The following CFAP161 variants were observed in gnomAD, a reference collection of about 807,000 sequenced individuals.
CFAP161 encodes the protein cilia- and flagella-associated protein 161.
A neutral mutation model predicts 29.0 loss-of-function variants in CFAP161; 25 were observed. The observed-to-expected ratio is 0.86, with a 90% CI of 0.63 to 1.20. The LOEUF (loss-of-function observed/expected upper bound fraction) is 1.20, where lower values mean the gene tolerates loss of function less well. Ranked by LOEUF, CFAP161 falls within the 50% of genes most tolerant of loss-of-function variation. The probability of loss-of-function intolerance (pLI) is 0.00; values close to 1 mark genes in which losing one functional copy is unlikely to be tolerated. For missense variants in CFAP161, 367 were observed against 371.9 expected, an observed-to-expected ratio of 0.99 and a Z score of 0.11; for synonymous variants, 116 against 137.4, an observed-to-expected ratio of 0.84 and a Z score of 1.09.
At chr15:81,147,766 A>G (rs1895033263) in intron 5 of CFAP161, 92 bp from the exon 6 acceptor site, 1 of 749,814 alleles carries the variant, frequency 1.3e-6, no homozygotes, top group East Asian at 2.8e-5. Flanking sequence ...GTATAGTATA[A>G]TCCCAAATTT....
At chr15:81,144,909 G>T (rs895898685) in intron 5 of CFAP161, among the ~76,000 whole-genome samples, 1 of 152,140 alleles carries the variant, frequency 6.6e-6, no homozygotes, top group Non-Finnish European at 1.5e-5. Flanking sequence ...ATCACTGTGC[G>T]ACACTTTCTC....
At chr15:81,103,894 G>C (rs1894331546) in intron 1 of CFAP161, among the ~76,000 whole-genome samples, 1 of 152,194 alleles carries the variant, frequency 6.6e-6, no homozygotes, top group Non-Finnish European at 1.5e-5. Context: ...CACCTAGCTG[G>C]TGTCCGCTGC....
intron 1 of CFAP161, among the ~76,000 whole-genome samples, chr15:81,105,206 CT>C (rs1894355710): frequency 1.4e-5 from 1 of 69,740 alleles, no homozygotes; most frequent in Non-Finnish European, 3.5e-5. Context: ...ACTCCCCCTC[CT>C]CCTTTCTCCC....
At position 81,148,537 on chromosome 15, in the gene CFAP161, G is replaced by A. The variant is rs564838144; in HGVS notation, c.*4G>A. On this transcript the variant is annotated 3_prime_UTR_variant, in exon 7 of 7. Transcript: ENST00000286732. Reference sequence around the variant, plus strand: ...CATGGGCCTTGACACGCAGTAACACGCCAGGCACGTGCATGTTTTCCCTGG... The same window carrying A: ...CATGGGCCTTGACACGCAGTAACACACCAGGCACGTGCATGTTTTCCCTGG... 33 of 1,605,522 alleles carry A rather than the reference G, an allele frequency of 2.1e-5. No homozygotes were observed. Among genetic ancestry groups the A allele is most frequent in the Middle Eastern group, 1.7e-4 (1 of 5,974 alleles).
intron 1 of CFAP161, chr15:81,118,263 T>C: frequency 3.9e-6 from 2 of 518,394 alleles, no homozygotes; most frequent in East Asian, 4.9e-5. Flanking sequence ...GGAGGAACTC[T>C]AAGTTCACAA....
chr15:81,109,563 G>GT (rs1185266616), intron 1 of CFAP161, among the ~76,000 whole-genome samples: 2 of 152,126 alleles, frequency 1.3e-5, no homozygotes, highest in African/African-American at 4.8e-5. Flanking sequence ...AATTAGCTGG[G>GT]TGTGGTGGTG....
In CFAP161 at chr15:81,149,049, C is replaced by A. The variant is rs1245240601; in HGVS notation, c.*516C>A. On this transcript the variant is annotated 3_prime_UTR_variant, in exon 7 of 7. Coordinates refer to ENST00000286732, the MANE Select transcript of CFAP161 (RefSeq NM_173528.4). ...TTCCAGGTCAGGACCTCTACCTGAT[C>A]AGTAACCTATTATTTTGTAATGATT... 2.0e-5 allele frequency: 3 copies of A among 152,260 alleles called. No homozygotes were observed. Among genetic ancestry groups the A allele is most frequent in the African/African-American group, 7.2e-5 (3 of 41,462 alleles). The allele number at this position is 152,260 out of a possible 1,614,324, so 9.4% of individuals were successfully genotyped here. A position where few individuals can be genotyped will look rare whatever the true frequency, so the allele number is the denominator to read the frequency against.
At chr15:81,112,376 T>A (rs1240561038) in intron 1 of CFAP161, among the ~76,000 whole-genome samples, 2 of 152,312 alleles carry the variant, frequency 1.3e-5, no homozygotes, top group African/African-American at 2.4e-5. Context: ...CACTTTTCTT[T>A]CCTGCCAGAT....
At chr15:81,133,208 TATATATATATATATA>T (rs1346027210), upstream of CFAP161, among the ~76,000 whole-genome samples, 409 of 64,566 alleles carry the variant, frequency 6.3e-3, 13 homozygotes, top group African/African-American at 7.7e-3. Flanking sequence ...TATATATATA[TATATATATATATATA>T]TGTATTTTTT....
intron 5 of CFAP161, 45 bp downstream of exon 5, chr15:81,143,865 G>T: frequency 6.3e-7 from 1 of 1,582,118 alleles, no homozygotes; most frequent in Non-Finnish European, 8.6e-7. Context: ...GCTATGAAAT[G>T]GATGCAATTT....
At chr15:81,111,991 A>C (rs1295556330) in intron 1 of CFAP161, among the ~76,000 whole-genome samples, 1 of 152,200 alleles carries the variant, frequency 6.6e-6, no homozygotes, top group Non-Finnish European at 1.5e-5. Context: ...TGCAATCAAG[A>C]AACCTATTTA....
chr15:81,146,831 AATAT>A (rs3086710), intron 5 of CFAP161, among the ~76,000 whole-genome samples: 784 of 70,122 alleles, frequency 0.011, 8 homozygotes, highest in Non-Finnish European at 0.016. Context: ...GATAGCTACA[AATAT>A]ATATATATAT....
At position 81,123,356 on chromosome 15, in the gene CFAP161, G is replaced by A. The variant is rs146928728; in HGVS notation, c.-141-4234G>A. Among the ~76,000 whole-genome samples, 337 of 152,156 alleles carry A rather than the reference G, an allele frequency of 2.2e-3. 1 individual carries two copies. Among genetic ancestry groups the A allele is most frequent in the Non-Finnish European group, 3.5e-3 (236 of 68,018 alleles). The stretch of plus-strand genomic sequence containing the variant: ...GAAGATCAGATAGTTGTAGGTGTGC[G>A]GTCTTATTTCTGGGTTCTCTCTTCT... On this transcript the variant is annotated intron_variant, in intron 1 of 4. Transcript: ENST00000560091.
At chr15:81,116,180 T>A (rs1343421994) in intron 1 of CFAP161, among the ~76,000 whole-genome samples, 1 of 152,198 alleles carries the variant, frequency 6.6e-6, no homozygotes, top group Non-Finnish European at 1.5e-5. Flanking sequence ...TACCAGCTAT[T>A]AACTGTGGAA....
Position 81,148,751 on chromosome 15 carries a change from G to C in CFAP161, c.*218G>C, listed in dbSNP as rs1033505071. On this transcript the variant is annotated 3_prime_UTR_variant, in exon 7 of 7. Coordinates refer to ENST00000286732, the MANE Select transcript of CFAP161 (RefSeq NM_173528.4). ...TCTGGAGAATAATTAGTATTTGAAA[G>C]TGACAAACAATAGCCTTTTGTTGAT... 2.4e-6 allele frequency: 1 copy of C among 424,164 alleles called. No individual in the cohort carries two copies. Among genetic ancestry groups the C allele is most frequent in the Non-Finnish European group, 4.1e-6 (1 of 242,566 alleles). The allele number at this position is 424,164 out of a possible 1,614,324, so 26.3% of individuals were successfully genotyped here. A position where few individuals can be genotyped will look rare whatever the true frequency, so the allele number is the denominator to read the frequency against.
chr15:81,146,391 A>G (rs1171433978), intron 5 of CFAP161, among the ~76,000 whole-genome samples: 1 of 152,214 alleles, frequency 6.6e-6, no homozygotes, highest in African/African-American at 2.4e-5. Flanking sequence ...CCATTTCCAG[A>G]GAAAGCCATT....
chr15:81,118,256 G>C (rs1894524626), intron 1 of CFAP161: 12 of 510,974 alleles, frequency 2.3e-5, no homozygotes, highest in Middle Eastern at 6.1e-4. Context: ...ATTAAACGGA[G>C]GAACTCTAAG....
At chr15:81,107,030 C>T (rs1894381085) in intron 1 of CFAP161, among the ~76,000 whole-genome samples, 1 of 152,174 alleles carries the variant, frequency 6.6e-6, no homozygotes, top group Non-Finnish European at 1.5e-5. Context: ...CACACTATGA[C>T]ACTCCAGCCT....
At chr15:81,148,300 T>C (rs1389287813) in intron 6 of CFAP161, 38 bp from the exon 7 acceptor site, 2 of 1,562,754 alleles carry the variant, frequency 1.3e-6, no homozygotes, top group South Asian at 2.3e-5. Context: ...AGAGTTGTTA[T>C]TCAATTTCAA....
Sources: allele counts gnomAD v4.1 joint callset (sites outside exome capture counted in the v4.1 genomes callset), GRCh38; gene constraint gnomAD v4.1.1; transcripts MANE v1.5; gene names NCBI Gene and HGNC (gene_info 2026-07-23, HGNC 2026-07-21).